Variants in RIMS1 observed in about 807,000 individuals in gnomAD.
RIMS1 encodes the protein regulating synaptic membrane exocytosis protein 1.
In RIMS1, 83 loss-of-function variants were observed where a neutral mutation model predicts 214.1. The ratio of observed to expected loss-of-function variants is 0.39; its 90% CI spans 0.32 to 0.47. RIMS1 has a LOEUF of 0.47. Ranked by LOEUF, RIMS1 falls within the 20% of genes least tolerant of loss-of-function variation. The pLI is 0.99. For missense variants in RIMS1, 2,050 were observed against 2,161.8 expected (o/e 0.95, Z 1.03); for synonymous variants, 793 against 786.8 (o/e 1.01, Z -0.13).
chr6:72,259,184 TA>T, intron 18 of RIMS1, 73 bp downstream of exon 18: 2 of 1,276,454 alleles, frequency 1.6e-6, no homozygotes, highest in South Asian at 2.8e-5. Flanking sequence ...TATTGTGGCA[TA>T]GCACATTAGA....
chr6:72,245,774 AT>A (rs1563006974), intron 10 of RIMS1, 40 bp from the exon 11 acceptor site: 2 of 1,531,794 alleles, frequency 1.3e-6, no homozygotes, highest in Non-Finnish European at 1.8e-6. Flanking sequence ...AGGCAGGGTC[AT>A]TTAACTAATG....
intron 4 of RIMS1, among the ~76,000 whole-genome samples, chr6:72,170,027 T>C (rs1488380186): frequency 6.6e-6 from 1 of 152,246 alleles, no homozygotes. Flanking sequence ...TGGGTCTGAC[T>C]CATTACTTTA....
chr6:72,124,288 T>C (rs1470396004), intron 4 of RIMS1, among the ~76,000 whole-genome samples: 2 of 151,876 alleles, frequency 1.3e-5, no homozygotes, highest in Admixed American at 1.3e-4. Flanking sequence ...TTTAAGAATG[T>C]TGAATATTGG....
At chr6:72,079,553 A>C (rs912449298) in intron 2 of RIMS1, among the ~76,000 whole-genome samples, 1 of 152,190 alleles carries the variant, frequency 6.6e-6, no homozygotes, top group African/African-American at 2.4e-5. Flanking sequence ...TTTGGCAATA[A>C]TTGTCTTTGA....
intron 24 of RIMS1, among the ~76,000 whole-genome samples, chr6:72,289,979 C>T (rs932464641): frequency 5.3e-5 from 8 of 151,960 alleles, no homozygotes; most frequent in African/African-American, 9.6e-5. Context: ...TAATTTTAAA[C>T]GCCATAGTAA....
At chr6:72,339,826 T>C (rs2096986542) in intron 29 of RIMS1, among the ~76,000 whole-genome samples, 2 of 151,940 alleles carry the variant, frequency 1.3e-5, no homozygotes, top group African/African-American at 4.8e-5. Context: ...GGTCAAATGG[T>C]ATTTCTAGTT....
intron 2 of RIMS1, among the ~76,000 whole-genome samples, chr6:71,983,094 A>T (rs1798901235): frequency 6.6e-6 from 1 of 152,026 alleles, no homozygotes; most frequent in East Asian, 1.9e-4. Context: ...GCTCCAAAAC[A>T]ATTTCCTCCA....
At chr6:72,230,670 C>G (rs974046316) in intron 6 of RIMS1, among the ~76,000 whole-genome samples, 3 of 151,398 alleles carry the variant, frequency 2.0e-5, no homozygotes, top group African/African-American at 7.3e-5. Flanking sequence ...TCATAATGAC[C>G]TGGGTTTAGG....
intron 2 of RIMS1, among the ~76,000 whole-genome samples, chr6:71,972,678 T>C (rs1048935775): frequency 2.0e-5 from 3 of 152,192 alleles, no homozygotes; most frequent in Non-Finnish European, 2.9e-5. Context: ...AATTGAGTCA[T>C]ATGCCTGCTA....
chr6:71,891,050 CTT>C (rs1297743246), intron 1 of RIMS1, among the ~76,000 whole-genome samples: 1 of 152,128 alleles, frequency 6.6e-6, no homozygotes, highest in Admixed American at 6.5e-5. Flanking sequence ...AATTTATAGT[CTT>C]TTCTCAGTTG....
chr6:72,399,242 A>G, intron 33 of RIMS1, 148 bp downstream of exon 33: 2 of 446,202 alleles, frequency 4.5e-6, no homozygotes, highest in Non-Finnish European at 7.3e-6. Context: ...TGGTTAGTTT[A>G]TAATATAAAT....
At chr6:72,283,834 G>C (rs562882342) in intron 23 of RIMS1, among the ~76,000 whole-genome samples, 1 of 152,024 alleles carries the variant, frequency 6.6e-6, no homozygotes, top group Admixed American at 6.6e-5. Context: ...CTTCTATTGG[G>C]CAACTTGTGT....
At chr6:71,913,797 C>G (rs1777590707) in intron 1 of RIMS1, among the ~76,000 whole-genome samples, 1 of 152,106 alleles carries the variant, frequency 6.6e-6, no homozygotes, top group African/African-American at 2.4e-5. Context: ...GCACACTTCT[C>G]TCTCCTCAAC....
chr6:72,024,178 T>C (rs1341478072), intron 2 of RIMS1, among the ~76,000 whole-genome samples: 1 of 152,158 alleles, frequency 6.6e-6, no homozygotes, highest in Non-Finnish European at 1.5e-5. Context: ...TTCTGCCTAC[T>C]GGTTTTTTAT....
At chr6:72,097,304 T>C in intron 3 of RIMS1, 142 bp downstream of exon 3, 1 of 708,846 alleles carries the variant, frequency 1.4e-6, no homozygotes, top group Middle Eastern at 4.0e-4. Flanking sequence ...ATTTTGTTCA[T>C]GTCCTTAATA....
intron 4 of RIMS1, among the ~76,000 whole-genome samples, chr6:72,143,323 A>G (rs1278067333): frequency 2.0e-5 from 3 of 152,226 alleles, no homozygotes; most frequent in African/African-American, 7.2e-5. Context: ...AATTTGAGCC[A>G]TATCAAAATA....
intron 2 of RIMS1, among the ~76,000 whole-genome samples, chr6:72,007,393 T>C (rs963763633): frequency 6.6e-6 from 1 of 152,086 alleles, no homozygotes; most frequent in Non-Finnish European, 1.5e-5. Flanking sequence ...GCAGAAAAAC[T>C]GAAAATTCTA....
intron 2 of RIMS1, among the ~76,000 whole-genome samples, chr6:72,045,708 G>A (rs1822804201): frequency 6.6e-6 from 1 of 151,586 alleles, no homozygotes; most frequent in African/African-American, 2.4e-5. Context: ...GGTAATAAGT[G>A]GTTCTTTTTT....
chr6:72,399,195 A>G, intron 33 of RIMS1, 101 bp downstream of exon 33: 1 of 961,122 alleles, frequency 1.0e-6, no homozygotes, highest in Non-Finnish European at 1.5e-6. Flanking sequence ...GGTAAAGATA[A>G]ATGTAGGATA....
Sources: allele counts gnomAD v4.1 joint callset (sites outside exome capture counted in the v4.1 genomes callset), GRCh38; gene constraint gnomAD v4.1.1; transcripts MANE v1.5; gene names NCBI Gene and HGNC (gene_info 2026-07-23, HGNC 2026-07-21).